OPHN1: variants seen among roughly 807,000 people sequenced by gnomAD.
OPHN1 encodes oligophrenin 1, also known as oligophrenin-1.
OPHN1 carries 11 observed loss-of-function variants against 60.7 expected under a neutral mutation model. That is an observed-to-expected ratio of 0.18 (90% CI 0.11 to 0.30). The LOEUF is 0.30. Ranked by LOEUF, OPHN1 falls within the 10% of genes least tolerant of loss-of-function variation. The pLI is 1.00. For synonymous variants in OPHN1, 226 were observed against 222.6 expected (o/e 1.02, Z -0.14); for missense variants, 449 against 611.0 (o/e 0.73, Z 2.80).
intron 20 of OPHN1, chrX:68,071,063 C>G: frequency 9.0e-7 from 1 of 1,108,573 alleles, no homozygotes; most frequent in Non-Finnish European, 1.2e-6. Flanking sequence ...GCCGTTCCAC[C>G]ACCAATAATC....
intron 5 of OPHN1, among the ~76,000 whole-genome samples, chrX:68,237,435 C>A (rs959741218): frequency 8.9e-6 from 1 of 112,038 alleles, no homozygotes; most frequent in Non-Finnish European, 1.9e-5. Flanking sequence ...ATCTGTAGAT[C>A]AACTTGATGA....
intron 2 of OPHN1, among the ~76,000 whole-genome samples, chrX:68,368,498 A>G (rs998844293): frequency 9.0e-6 from 1 of 110,968 alleles, no homozygotes; most frequent in Non-Finnish European, 1.9e-5. Context: ...CCATAATCAC[A>G]CCACTGCACT....
chrX:68,335,682 A>C (rs1420553845), intron 2 of OPHN1, among the ~76,000 whole-genome samples: 1 of 111,755 alleles, frequency 8.9e-6, no homozygotes, highest in Non-Finnish European at 1.9e-5. Context: ...TAAAATCAGC[A>C]CTTTGGGAGG....
intron 20 of OPHN1, chrX:68,071,273 T>G (rs370530628): frequency 1.4e-6 from 1 of 720,402 alleles, no homozygotes; most frequent in Non-Finnish European, 2.2e-6. Context: ...CTGTGAGCAG[T>G]GCCAAAAGCA....
intron 2 of OPHN1, among the ~76,000 whole-genome samples, chrX:68,351,691 TTTG>T (rs1237926384): frequency 2.7e-5 from 3 of 110,207 alleles, no homozygotes; most frequent in Non-Finnish European, 5.7e-5. Context: ...TTTCTGGTTT[TTTG>T]TTGTTGTTGT....
In OPHN1 at chrX:68,432,973, G is replaced by C. The variant is rs371759976; in HGVS notation, c.48C>G (p.Pro16=). ...LEFSDCYLDS[P]DFRERLKCYE... ...AACACTTGAGCCTCTCGCGGAAATC[G>C]GGGCTGTCCAGGTAGCAGTCGCTGA... The change falls in exon 2 of 25, where the codon CCC becomes CCG. Residue 16 remains proline, a synonymous_variant. Coordinates refer to ENST00000355520, the MANE Select transcript of OPHN1 (RefSeq NM_002547.3). 4.1e-6 allele frequency: 5 copies of C among 1,209,432 alleles called. No homozygotes were observed. The highest frequency in any genetic ancestry group is 3.5e-5 in the African/African-American group (2 of 57,385).
chrX:68,096,757 G>T, intron 19 of OPHN1, 113 bp downstream of exon 19: 1 of 746,160 alleles, frequency 1.3e-6, no homozygotes, highest in Non-Finnish European at 2.1e-6. Context: ...TGTCATAATG[G>T]GATTTCCTTT....
chrX:68,311,270 T>G (rs1377129850), intron 2 of OPHN1, among the ~76,000 whole-genome samples: 1 of 110,965 alleles, frequency 9.0e-6, no homozygotes, highest in Non-Finnish European at 1.9e-5. Flanking sequence ...AGCAAGACCC[T>G]GTCCCCGCTC....
At chrX:68,400,789 A>G (rs767158466) in intron 2 of OPHN1, among the ~76,000 whole-genome samples, 1 of 109,268 alleles carries the variant, frequency 9.2e-6, no homozygotes, top group African/African-American at 3.3e-5. Context: ...TTTAGTAAAG[A>G]CAGGGTTTCG....
rs188529004 is a variant in OPHN1, at chrX:68,329,079, C to T, written c.155-29983G>A. Among the ~76,000 whole-genome samples the T allele has an allele frequency of 3.6e-3, 403 of 111,248 alleles. 2 individuals carry two copies. The highest frequency in any genetic ancestry group is 0.013 in the African/African-American group (385 of 30,606). On this transcript the variant is annotated intron_variant, in intron 2 of 24. Coordinates refer to ENST00000355520, the MANE Select transcript of OPHN1 (RefSeq NM_002547.3). ...ATTACAGGCGCCCACCACCACGCCC[C>T]GCTAATTTTTGTATTTTCAGTAGAG...
chrX:68,264,719 C>T (rs2077913578), intron 5 of OPHN1, among the ~76,000 whole-genome samples: 1 of 112,264 alleles, frequency 8.9e-6, no homozygotes, highest in South Asian at 3.7e-4. Flanking sequence ...TGAGCCAAAG[C>T]AGGGCGAGGC....
intron 16 of OPHN1, 92 bp downstream of exon 16, chrX:68,119,156 C>T (rs772012021): frequency 7.1e-5 from 45 of 629,769 alleles, no homozygotes; most frequent in Admixed American, 6.0e-4. Context: ...TCTATCCAAA[C>T]TCCTGGAACT....
At chrX:68,354,442 G>A (rs2078429535) in intron 2 of OPHN1, among the ~76,000 whole-genome samples, 1 of 76,490 alleles carries the variant, frequency 1.3e-5, no homozygotes, top group African/African-American at 5.2e-5. Flanking sequence ...GACAGAGTAA[G>A]ACTCCATCTC....
Position 68,124,004 on chromosome X carries a change from T to C in OPHN1, c.1277-4672A>G, listed in dbSNP as rs760625200. Among the ~76,000 whole-genome samples, 4 of 110,856 alleles carry C rather than the reference T, an allele frequency of 3.6e-5. No individual in the cohort carries two copies. The East Asian group carries it at 1.1e-3, about 31-fold the overall frequency. On this transcript the variant is annotated intron_variant, in intron 15 of 24. Coordinates refer to ENST00000355520, the MANE Select transcript of OPHN1 (RefSeq NM_002547.3). ...TTGCCTACAAAAAACACATTTATCC[T>C]GTAAAGACACACATAGACTGAAAAT...
At chrX:68,398,989 G>T (rs1308579915) in intron 2 of OPHN1, among the ~76,000 whole-genome samples, 3 of 108,689 alleles carry the variant, frequency 2.8e-5, no homozygotes, top group African/African-American at 1.0e-4. Flanking sequence ...GTGTGTGTGT[G>T]TGTGTGTATA....
intron 2 of OPHN1, among the ~76,000 whole-genome samples, chrX:68,322,720 G>C (rs1280115966): frequency 9.0e-6 from 1 of 111,530 alleles, no homozygotes; most frequent in Non-Finnish European, 1.9e-5. Flanking sequence ...CCGGGAGACG[G>C]AGGTTGCAGT....
At chrX:68,131,086 A>C (rs2077192220) in intron 15 of OPHN1, among the ~76,000 whole-genome samples, 1 of 111,731 alleles carries the variant, frequency 9.0e-6, no homozygotes, top group African/African-American at 3.3e-5. Flanking sequence ...ATGTGAAGCA[A>C]AAGAGGAAAA....
At chrX:68,294,046 C>T (rs1365972055) in intron 3 of OPHN1, among the ~76,000 whole-genome samples, 1 of 111,627 alleles carries the variant, frequency 9.0e-6, no homozygotes, top group Non-Finnish European at 1.9e-5. Flanking sequence ...TTATCCACCT[C>T]CTTTAATAGA....
At chrX:68,334,513 GTACT>G (rs2078312386) in intron 2 of OPHN1, among the ~76,000 whole-genome samples, 1 of 111,585 alleles carries the variant, frequency 9.0e-6, no homozygotes, top group African/African-American at 3.3e-5. Context: ...TGATCTTTGT[GTACT>G]TACATTTTGA....
Sources: allele counts gnomAD v4.1 joint callset (sites outside exome capture counted in the v4.1 genomes callset), GRCh38; gene constraint gnomAD v4.1.1; transcripts MANE v1.5; gene names NCBI Gene and HGNC (gene_info 2026-07-23, HGNC 2026-07-21).